Variants in KRTAP13-3 observed in about 807,000 individuals in gnomAD.
KRTAP13-3 encodes keratin-associated protein 13-3.
For synonymous variants in KRTAP13-3, 98 were observed against 79.4 expected, an observed-to-expected ratio of 1.23 and a Z score of -1.25; for missense variants, 243 against 202.8, an observed-to-expected ratio of 1.20 and a Z score of -1.20.
Position 30,425,630 on chromosome 21 carries a change from T to C in KRTAP13-3, c.283A>G (p.Met95Val), listed in dbSNP as rs377697989. Reference sequence around the variant, plus strand: ...CCAAAACCCCGAGACCCAACATGCATAGTCAGGCAAGAATTGCAGAGCATG... The same window carrying C: ...CCAAAACCCCGAGACCCAACATGCACAGTCAGGCAAGAATTGCAGAGCATG... The change falls in exon 1 of 1, where the codon ATG (methionine) becomes GTG (valine). Residue 95 changes from methionine (M) to valine (V), a missense_variant. Met to Val is a conservative substitution (Grantham distance 21, BLOSUM62 1). Transcript: ENST00000390690. 3 of 1,613,928 alleles carry C rather than the reference T, an allele frequency of 1.9e-6. No individual in the cohort carries two copies. In the African/African-American group the frequency reaches 4.0e-5, roughly 22 times the overall value.
chr21:30,425,529 T>C (rs769659529), exon 1 of KRTAP13-3: 12 of 1,613,932 alleles, frequency 7.4e-6, no homozygotes, highest in Admixed American at 3.3e-5. Flanking sequence ...AATTCAGATA[T>C]CTGAAGCCAT....
chr21:30,425,402 A>C (rs1984264928), exon 1 of KRTAP13-3: 1 of 1,557,982 alleles, frequency 6.4e-7, no homozygotes, highest in Non-Finnish European at 8.7e-7. Context: ...AGTCAGTAGA[A>C]ACCAGATCTA....
At chr21:30,425,759 G>T (rs1426681630) in exon 1 of KRTAP13-3, 1 of 1,614,196 alleles carries the variant, frequency 6.2e-7, no homozygotes, top group Non-Finnish European at 8.5e-7. Flanking sequence ...CCCCTATAGA[G>T]AGAGGAACCC....
At chr21:30,425,545 C>T (rs1318285661) in exon 1 of KRTAP13-3, 1 of 1,614,060 alleles carries the variant, frequency 6.2e-7, no homozygotes, top group South Asian at 1.1e-5. Context: ...GCCATTGGAT[C>T]CACAGCCCAG....
rs73356706 is a variant in KRTAP13-3, at chr21:30,425,601, G to A, written c.312C>T (p.Ser104=). Residue 104 remains serine, a synonymous_variant, in exon 1 of 1, where the codon TCC becomes TCT. Coordinates refer to ENST00000390690, the Ensembl canonical transcript of KRTAP13-3. ...CACAGCTCAGGGAGCAGCAGCTATT[G>A]GATCCAAAACCCCGAGACCCAACAT... 7.3e-3 allele frequency: 11,703 copies of A among 1,614,064 alleles called. 582 individuals are homozygous for A. In the African/African-American group the frequency reaches 0.12, roughly 16 times the overall value.
At chr21:30,425,520 A>T in exon 1 of KRTAP13-3, 1 of 1,614,036 alleles carries the variant, frequency 6.2e-7, no homozygotes, top group Non-Finnish European at 8.5e-7. Flanking sequence ...GGATTCTATA[A>T]TTCAGATATC....
chr21:30,425,795 G>A (rs371743188), exon 1 of KRTAP13-3: 2 of 1,614,170 alleles, frequency 1.2e-6, no homozygotes, highest in Non-Finnish European at 1.7e-6. Context: ...GGAGAGCAGA[G>A]GTCAGTGCTG....
exon 1 of KRTAP13-3, chr21:30,425,408 A>T: frequency 1.3e-6 from 2 of 1,564,686 alleles, no homozygotes; most frequent in Non-Finnish European, 8.7e-7. Context: ...TAGAAACCAG[A>T]TCTACAGAAT....
chr21:30,425,617 G>A, exon 1 of KRTAP13-3: 7 of 1,614,172 alleles, frequency 4.3e-6, no homozygotes, highest in Non-Finnish European at 5.9e-6. Flanking sequence ...AAAACCCCGA[G>A]ACCCAACATG....
chr21:30,425,911 A>G, exon 1 of KRTAP13-3: 2 of 1,608,034 alleles, frequency 1.2e-6, no homozygotes, highest in Non-Finnish European at 1.7e-6. Context: ...GTTGTAGGAC[A>G]TGTTGACGGG....
At chr21:30,425,843 A>G (rs771993477) in exon 1 of KRTAP13-3, 1 of 1,614,140 alleles carries the variant, frequency 6.2e-7, no homozygotes, top group Non-Finnish European at 8.5e-7. Context: ...CCACAGGAGG[A>G]GCCTGGGTAG....
At chr21:30,425,700 A>G (rs1984280514) in exon 1 of KRTAP13-3, 2 of 1,614,000 alleles carry the variant, frequency 1.2e-6, no homozygotes, top group Non-Finnish European at 1.7e-6. Flanking sequence ...GGCTGGACTC[A>G]ACACACAATG....
chr21:30,425,761 G>A (rs1984284359), exon 1 of KRTAP13-3: 1 of 1,614,080 alleles, frequency 6.2e-7, no homozygotes, highest in African/African-American at 1.3e-5. Context: ...CCTATAGAGA[G>A]AGGAACCCAG....
In KRTAP13-3 at chr21:30,425,445, C is replaced by A. The variant is rs748042014; in HGVS notation, c.468G>T (p.Arg156Ser). Residue 156 changes from arginine to serine, a missense_variant, in exon 1 of 1, where the codon AGG (arginine) becomes AGT (serine). Coordinates refer to ENST00000390690, the Ensembl canonical transcript of KRTAP13-3. Reference sequence around the variant, plus strand: ...GCTGATAACAAGATGAATGGAACCACCTTCTAGGTGGAAAATAGATTGGAT... The same window carrying A: ...GCTGATAACAAGATGAATGGAACCAACTTCTAGGTGGAAAATAGATTGGAT... The A allele has an allele frequency of 3.1e-6, 5 of 1,602,198 alleles. No individual in the cohort carries two copies. In the African/African-American group the frequency reaches 4.0e-5, roughly 13 times the overall value.
chr21:30,425,864 C>T (rs1215781566), exon 1 of KRTAP13-3: 4 of 1,613,928 alleles, frequency 2.5e-6, no homozygotes, highest in East Asian at 2.2e-5. Context: ...TGCAAGTAAC[C>T]CCCGTGGGAG....
chr21:30,425,479 C>A, exon 1 of KRTAP13-3: 1 of 1,612,794 alleles, frequency 6.2e-7, no homozygotes, highest in African/African-American at 1.3e-5. Flanking sequence ...ATGGCAGAAT[C>A]TGGATCTATA....
chr21:30,425,428 C>G, exon 1 of KRTAP13-3: 1 of 1,585,000 alleles, frequency 6.3e-7, no homozygotes, highest in Non-Finnish European at 8.6e-7. Context: ...TGGCTGATAA[C>G]AAGATGAATG....
At chr21:30,425,717 A>C (rs2123421427) in exon 1 of KRTAP13-3, 1 of 1,614,148 alleles carries the variant, frequency 6.2e-7, no homozygotes, top group South Asian at 1.1e-5. Flanking sequence ...AATGTCTGAC[A>C]GCTGTTGGGC....
At chr21:30,425,530 C>T (rs772755810) in exon 1 of KRTAP13-3, 4 of 1,614,084 alleles carry the variant, frequency 2.5e-6, no homozygotes, top group Non-Finnish European at 3.4e-6. Context: ...ATTCAGATAT[C>T]TGAAGCCATT....
Sources: allele counts gnomAD v4.1 joint callset, GRCh38; gene constraint gnomAD v4.1.1; transcripts MANE v1.5; gene names NCBI Gene and HGNC (gene_info 2026-07-23, HGNC 2026-07-21).